The following HS3ST4 variants were observed in gnomAD, a reference collection of about 807,000 sequenced individuals.
HS3ST4 encodes heparan sulfate-glucosamine 3-sulfotransferase 4.
A neutral mutation model predicts 29.2 loss-of-function variants in HS3ST4; 17 were observed. The ratio of observed to expected loss-of-function variants is 0.58; its 90% confidence interval spans 0.40 to 0.87. The LOEUF (loss-of-function observed/expected upper bound fraction) is 0.87. HS3ST4 is among the 40% of genes least tolerant of loss of function. HS3ST4 has a pLI of 0.00. For synonymous variants in HS3ST4, 314 were observed against 285.7 expected, an observed-to-expected ratio of 1.10 and a Z score of -1.00; for missense variants, 627 against 634.5, an observed-to-expected ratio of 0.99 and a Z score of 0.13.
intron 1 of HS3ST4, among the ~76,000 whole-genome samples, chr16:25,840,216 A>T (rs1967399281): frequency 6.6e-6 from 1 of 152,210 alleles, no homozygotes; most frequent in Non-Finnish European, 1.5e-5. Flanking sequence ...ATTTTCCTTA[A>T]ATCTCTTTGA....
At chr16:25,819,909 G>T (rs991949676) in intron 1 of HS3ST4, among the ~76,000 whole-genome samples, 4 of 149,876 alleles carry the variant, frequency 2.7e-5, no homozygotes, top group Admixed American at 1.3e-4. Context: ...TACTTGGGAG[G>T]CTGAGGCAGG....
chr16:25,721,586 C>T (rs961140559), intron 1 of HS3ST4, among the ~76,000 whole-genome samples: 3 of 152,198 alleles, frequency 2.0e-5, no homozygotes, highest in Non-Finnish European at 4.4e-5. Flanking sequence ...TTGACCATCA[C>T]ACTGAAAATG....
chr16:26,100,770 A>G (rs1898980906), intron 1 of HS3ST4, among the ~76,000 whole-genome samples: 2 of 152,236 alleles, frequency 1.3e-5, no homozygotes, highest in Non-Finnish European at 2.9e-5. Flanking sequence ...ACCTGGCATC[A>G]TAAAGAGCTT....
intron 1 of HS3ST4, among the ~76,000 whole-genome samples, chr16:26,078,681 A>G (rs1231539988): frequency 6.6e-6 from 1 of 152,270 alleles, no homozygotes; most frequent in Non-Finnish European, 1.5e-5. Flanking sequence ...TTCCCAGACC[A>G]GAAAGATTAT....
intron 1 of HS3ST4, among the ~76,000 whole-genome samples, chr16:26,051,843 TTC>T (rs1358110326): frequency 7.0e-6 from 1 of 143,562 alleles, no homozygotes; most frequent in Non-Finnish European, 1.5e-5. Context: ...TCCCGTCTCT[TTC>T]TCTCTTTCTT....
chr16:26,005,891 C>A (rs1969253535), intron 1 of HS3ST4, among the ~76,000 whole-genome samples: 1 of 152,120 alleles, frequency 6.6e-6, no homozygotes, highest in South Asian at 2.1e-4. Flanking sequence ...GCATCCCTGG[C>A]CAGATTATAG....
intron 1 of HS3ST4, among the ~76,000 whole-genome samples, chr16:25,821,428 A>G (rs970856479): frequency 6.6e-6 from 1 of 152,030 alleles, no homozygotes; most frequent in African/African-American, 2.4e-5. Context: ...CATTTTTTCT[A>G]ATGTGTTTTC....
intron 1 of HS3ST4, among the ~76,000 whole-genome samples, chr16:25,762,366 G>A (rs148297039): frequency 3.7e-4 from 57 of 152,228 alleles, no homozygotes; most frequent in African/African-American, 1.3e-3. Flanking sequence ...TTTCTCGCTG[G>A]AGAAGGGGTG....
intron 1 of HS3ST4, among the ~76,000 whole-genome samples, chr16:26,014,194 A>G (rs995688909): frequency 6.6e-6 from 1 of 152,146 alleles, no homozygotes; most frequent in Admixed American, 6.6e-5. Context: ...ACTAGTATGT[A>G]AACTCTATGA....
At chr16:25,820,182 G>A (rs1967136450) in intron 1 of HS3ST4, among the ~76,000 whole-genome samples, 1 of 151,732 alleles carries the variant, frequency 6.6e-6, no homozygotes, top group African/African-American at 2.4e-5. Context: ...GGGAGCTGTG[G>A]TTCAGGCCCT....
chr16:25,974,826 T>A (rs1968928448), intron 1 of HS3ST4, among the ~76,000 whole-genome samples: 1 of 152,180 alleles, frequency 6.6e-6, no homozygotes, highest in Admixed American at 6.5e-5. Flanking sequence ...CTTAAATAAC[T>A]CATAATAGGA....
At chr16:25,932,573 C>A (rs1028710513) in intron 1 of HS3ST4, among the ~76,000 whole-genome samples, 1 of 152,126 alleles carries the variant, frequency 6.6e-6, no homozygotes, top group South Asian at 2.1e-4. Context: ...TGTTATTACT[C>A]CCACTACCTC....
intron 1 of HS3ST4, among the ~76,000 whole-genome samples, chr16:25,866,353 A>G (rs1042633557): frequency 3.9e-5 from 6 of 152,184 alleles, no homozygotes; most frequent in Non-Finnish European, 8.8e-5. Flanking sequence ...TCTCTATTAA[A>G]AACAGCATTT....
At chr16:25,984,267 G>A (rs1280877002) in intron 1 of HS3ST4, among the ~76,000 whole-genome samples, 2 of 152,134 alleles carry the variant, frequency 1.3e-5, no homozygotes, top group Admixed American at 6.5e-5. Context: ...CCATGGCCAG[G>A]GATGGGGGAC....
At chr16:25,914,846 A>G (rs1968276871) in intron 1 of HS3ST4, among the ~76,000 whole-genome samples, 1 of 151,948 alleles carries the variant, frequency 6.6e-6, no homozygotes, top group Non-Finnish European at 1.5e-5. Flanking sequence ...GAAGGAAATC[A>G]TCTAAAGGAG....
intron 1 of HS3ST4, among the ~76,000 whole-genome samples, chr16:25,927,466 C>T (rs985357651): frequency 1.3e-5 from 2 of 152,210 alleles, no homozygotes; most frequent in Non-Finnish European, 2.9e-5. Flanking sequence ...TCTAACTCTT[C>T]TGCCTGCATT....
At chr16:26,111,677 T>C (rs1899130856) in intron 1 of HS3ST4, among the ~76,000 whole-genome samples, 1 of 152,238 alleles carries the variant, frequency 6.6e-6, no homozygotes, top group East Asian at 1.9e-4. Flanking sequence ...AACACATAGA[T>C]TTTTATATCC....
chr16:26,074,535 AGTGAGTGATAG>A (rs1169336270), intron 1 of HS3ST4, among the ~76,000 whole-genome samples: 1 of 152,220 alleles, frequency 6.6e-6, no homozygotes, highest in Non-Finnish European at 1.5e-5. Context: ...TCCATCTGGC[AGTGAGTGATAG>A]GTACCAAAGA....
At chr16:25,829,863 G>A (rs1024211494) in intron 1 of HS3ST4, among the ~76,000 whole-genome samples, 8 of 151,220 alleles carry the variant, frequency 5.3e-5, no homozygotes, top group Non-Finnish European at 8.8e-5. Flanking sequence ...TTGCTCTGTC[G>A]CCCAGGTGGG....
Sources: allele counts gnomAD v4.1 joint callset (sites outside exome capture counted in the v4.1 genomes callset), GRCh38; gene constraint gnomAD v4.1.1; transcripts MANE v1.5; gene names NCBI Gene and HGNC (gene_info 2026-07-23, HGNC 2026-07-21).